Variants in SLC2A13 observed in about 807,000 individuals in gnomAD.
The protein encoded by SLC2A13 is proton myo-inositol cotransporter.
Under a neutral mutation model 64.4 loss-of-function variants are expected in SLC2A13, and 32 were observed. The ratio of observed to expected loss-of-function variants is 0.50; its 90% CI spans 0.37 to 0.67. SLC2A13 has a LOEUF of 0.67. Among genes scored for constraint, SLC2A13 ranks in the 30% least tolerant of loss-of-function variants. The pLI is 0.00. For synonymous variants in SLC2A13, 338 were observed against 327.1 expected, an observed-to-expected ratio of 1.03 and a Z score of -0.36; for missense variants, 743 against 829.2, an observed-to-expected ratio of 0.90 and a Z score of 1.28.
intron 2 of SLC2A13, among the ~76,000 whole-genome samples, chr12:40,036,632 T>C (rs17442108): frequency 0.12 from 18,857 of 152,238 alleles, 1,545 homozygotes; most frequent in Middle Eastern, 0.18. Flanking sequence ...GTTCCTTCTA[T>C]GTCACTGATT....
At chr12:39,945,909 T>G (rs917369327) in intron 4 of SLC2A13, among the ~76,000 whole-genome samples, 18 of 149,530 alleles carry the variant, frequency 1.2e-4, no homozygotes, top group South Asian at 2.2e-4. Flanking sequence ...CGTGATTTTT[T>G]GTGGGGGGGT....
intron 4 of SLC2A13, among the ~76,000 whole-genome samples, chr12:39,935,237 A>T (rs918491139): frequency 3.3e-5 from 5 of 152,178 alleles, no homozygotes; most frequent in African/African-American, 1.2e-4. Context: ...CAAGAAGGGA[A>T]AAATAAATAA....
At chr12:40,057,848 A>G (rs1489494559) in intron 1 of SLC2A13, among the ~76,000 whole-genome samples, 3 of 152,154 alleles carry the variant, frequency 2.0e-5, no homozygotes, top group Non-Finnish European at 4.4e-5. Context: ...CACCTTAATT[A>G]CCAAAGATCT....
chr12:39,836,024 GCAA>G (rs1253912046), intron 6 of SLC2A13, among the ~76,000 whole-genome samples: 5 of 152,090 alleles, frequency 3.3e-5, no homozygotes, highest in Non-Finnish European at 7.4e-5. Context: ...CTTTCAGAAA[GCAA>G]CAACAGCAGC....
At chr12:39,882,421 C>T (rs1944362181) in intron 4 of SLC2A13, among the ~76,000 whole-genome samples, 1 of 152,198 alleles carries the variant, frequency 6.6e-6, no homozygotes, top group African/African-American at 2.4e-5. Context: ...CTTTGTTATA[C>T]TTATGTCATA....
chr12:40,054,134 T>C (rs1948300785), intron 1 of SLC2A13, among the ~76,000 whole-genome samples: 1 of 152,174 alleles, frequency 6.6e-6, no homozygotes, highest in African/African-American at 2.4e-5. Flanking sequence ...ATTTCTCCTG[T>C]TATTTACCTA....
At chr12:39,963,236 G>A (rs1487859902) in intron 3 of SLC2A13, among the ~76,000 whole-genome samples, 4 of 143,526 alleles carry the variant, frequency 2.8e-5, no homozygotes, top group Admixed American at 2.2e-4. Flanking sequence ...GCAGTGAGCC[G>A]AGATCACGGC....
chr12:39,951,036 A>C (rs1221377494), intron 4 of SLC2A13: 1 of 427,996 alleles, frequency 2.3e-6, no homozygotes, highest in Middle Eastern at 5.9e-4. Flanking sequence ...TATGGAATCA[A>C]ATAAAGCCAA....
intron 3 of SLC2A13, among the ~76,000 whole-genome samples, chr12:39,997,155 C>G (rs186841036): frequency 1.4e-4 from 21 of 152,220 alleles, no homozygotes; most frequent in Non-Finnish European, 1.5e-5. Flanking sequence ...ACCACAGTCA[C>G]CAAAACAGCA....
chr12:39,877,400 C>G (rs1047794684), intron 4 of SLC2A13, among the ~76,000 whole-genome samples: 1 of 152,132 alleles, frequency 6.6e-6, no homozygotes, highest in African/African-American at 2.4e-5. Context: ...TTGGAACCCC[C>G]CCTCCATGAT....
intron 7 of SLC2A13, 24 bp downstream of exon 7, chr12:39,830,079 C>T (rs368281976): frequency 3.0e-5 from 48 of 1,612,628 alleles, no homozygotes; most frequent in Non-Finnish European, 3.8e-5. Flanking sequence ...ATTATATATT[C>T]GTATGGTAAA....
At chr12:40,090,632 T>C (rs935523724) in intron 1 of SLC2A13, among the ~76,000 whole-genome samples, 2 of 152,196 alleles carry the variant, frequency 1.3e-5, no homozygotes, top group Non-Finnish European at 2.9e-5. Flanking sequence ...AAACTAAAAT[T>C]TTGAAAATAA....
At chr12:39,830,298 GTGCTTCTC>G in intron 6 of SLC2A13, 70 bp from the exon 7 acceptor site, 1 of 1,553,866 alleles carries the variant, frequency 6.4e-7, no homozygotes, top group African/African-American at 1.4e-5. Context: ...TGGATTCCAT[GTGCTTCTC>G]TGCATTTTCC....
chr12:39,872,314 C>T (rs1944078555), intron 4 of SLC2A13, among the ~76,000 whole-genome samples: 1 of 152,110 alleles, frequency 6.6e-6, no homozygotes, highest in Non-Finnish European at 1.5e-5. Flanking sequence ...TTATATTAAG[C>T]TGCAAGTCCA....
chr12:39,988,937 C>T (rs1180887234), intron 3 of SLC2A13, among the ~76,000 whole-genome samples: 3 of 152,108 alleles, frequency 2.0e-5, no homozygotes, highest in African/African-American at 4.8e-5. Context: ...ATCACCTAGG[C>T]CTAGGCCACC....
At chr12:40,040,878 TAA>T (rs1948075157) in intron 2 of SLC2A13, among the ~76,000 whole-genome samples, 1 of 152,212 alleles carries the variant, frequency 6.6e-6, no homozygotes, top group African/African-American at 2.4e-5. Context: ...TTCTCCAGCA[TAA>T]AGTTGTTTAG....
At chr12:39,908,603 G>T (rs1258249803) in intron 4 of SLC2A13, among the ~76,000 whole-genome samples, 1 of 151,890 alleles carries the variant, frequency 6.6e-6, no homozygotes, top group Admixed American at 6.6e-5. Context: ...TGGCTGAGGA[G>T]GATGAGGAGG....
At chr12:39,793,505 A>C (rs1941476186) in intron 7 of SLC2A13, among the ~76,000 whole-genome samples, 1 of 152,176 alleles carries the variant, frequency 6.6e-6, no homozygotes, top group African/African-American at 2.4e-5. Context: ...CAACAACATT[A>C]TTCCCATCTT....
intron 7 of SLC2A13, among the ~76,000 whole-genome samples, chr12:39,798,135 C>T (rs986585213): frequency 1.3e-5 from 2 of 152,306 alleles, no homozygotes; most frequent in Admixed American, 1.3e-4. Flanking sequence ...CAATGGAAAA[C>T]TCCACATAAA....
Sources: allele counts gnomAD v4.1 joint callset (sites outside exome capture counted in the v4.1 genomes callset), GRCh38; gene constraint gnomAD v4.1.1; transcripts MANE v1.5; gene names NCBI Gene and HGNC (gene_info 2026-07-23, HGNC 2026-07-21).